Variants in PEPD observed in about 807,000 individuals in gnomAD.
PEPD encodes the protein xaa-Pro dipeptidase.
In PEPD, 53 loss-of-function variants were observed where a neutral mutation model predicts 60.7. That is an observed-to-expected ratio of 0.87 (90% confidence interval 0.70 to 1.10). PEPD has a LOEUF of 1.10. Among genes scored for constraint, PEPD ranks in the 50% least tolerant of loss-of-function variants. The pLI, the probability that PEPD is intolerant of heterozygous loss-of-function variation, is 0.00. For missense variants in PEPD, 711 were observed against 711.9 expected (o/e 1.00, Z 0.01); for synonymous variants, 267 against 284.1 (o/e 0.94, Z 0.60).
intron 12 of PEPD, among the ~76,000 whole-genome samples, chr19:33,400,948 A>C (rs1426665081): frequency 2.0e-5 from 3 of 152,130 alleles, no homozygotes; most frequent in Admixed American, 6.5e-5. Context: ...CCCAGGGGGA[A>C]CTCCTGAAAG....
intron 4 of PEPD, among the ~76,000 whole-genome samples, chr19:33,498,916 C>G (rs1970658901): frequency 1.3e-5 from 2 of 152,196 alleles, no homozygotes; most frequent in African/African-American, 2.4e-5. Flanking sequence ...AGACAGGGCC[C>G]ACCCCAGGCT....
intron 2 of PEPD, among the ~76,000 whole-genome samples, chr19:33,511,734 G>A (rs558980637): frequency 9.8e-4 from 150 of 152,314 alleles, no homozygotes; most frequent in Non-Finnish European, 1.8e-3. Flanking sequence ...TTAGGAAATC[G>A]GTTTTTAAGC....
At chr19:33,409,304 C>CGT (rs1968710910) in intron 11 of PEPD, among the ~76,000 whole-genome samples, 1 of 152,234 alleles carries the variant, frequency 6.6e-6, no homozygotes, top group Non-Finnish European at 1.5e-5. Context: ...TGGCCTCTGC[C>CGT]GTGAGACTGG....
chr19:33,469,754 G>T (rs1311392020), intron 7 of PEPD, among the ~76,000 whole-genome samples: 1 of 151,798 alleles, frequency 6.6e-6, no homozygotes, highest in East Asian at 1.9e-4. Flanking sequence ...CCTCCCCTAC[G>T]CTGCCTGCCA....
At position 33,462,894 on chromosome 19, in the gene PEPD, G is replaced by A. The variant is rs78198054; in HGVS notation, c.671+101C>T. 74,913 of 798,642 alleles carry A rather than the reference G, an allele frequency of 0.094. 3,728 individuals carry two copies. Among genetic ancestry groups the A allele is most frequent in the East Asian group, 0.15 (6,004 of 41,228 alleles). 49.5% of individuals were successfully genotyped at this position (798,642 alleles called of 1,614,324 possible). ...AGCCCTGTTCATAATCTCCGCTCAC[G>A]GTGTGTGTGCCACTGCGGCGTCTCA... is the stretch of plus-strand genomic sequence containing the variant. On this transcript the variant is annotated intron_variant, in intron 9 of 14. Coordinates refer to ENST00000244137, the MANE Select transcript of PEPD (RefSeq NM_000285.4).
intron 11 of PEPD, among the ~76,000 whole-genome samples, chr19:33,403,135 G>A (rs1360520357): frequency 6.6e-6 from 1 of 152,216 alleles, no homozygotes; most frequent in East Asian, 1.9e-4. Flanking sequence ...GGCTGAGGGG[G>A]CGGAGGGGCG....
chr19:33,443,191 TTC>T (rs1969517659), intron 9 of PEPD, among the ~76,000 whole-genome samples: 1 of 152,266 alleles, frequency 6.6e-6, no homozygotes, highest in Admixed American at 6.5e-5. Flanking sequence ...GCTCTCTGAC[TTC>T]TGTCACTGAA....
chr19:33,458,370 T>G (rs1202958655), intron 9 of PEPD, among the ~76,000 whole-genome samples: 1 of 149,848 alleles, frequency 6.7e-6, no homozygotes, highest in African/African-American at 2.5e-5. Flanking sequence ...ACGTGTGGTA[T>G]GTAGGTGTGT....
chr19:33,419,803 C>G (rs533176680), intron 9 of PEPD, among the ~76,000 whole-genome samples: 6 of 152,224 alleles, frequency 3.9e-5, no homozygotes, highest in African/African-American at 1.4e-4. Context: ...ACTGGCCCAC[C>G]AAGTCCTGGG....
chr19:33,432,010 A>AAAAAAAACAAAAAAAAAAAC (rs1031542443), intron 9 of PEPD, among the ~76,000 whole-genome samples: 2 of 147,516 alleles, frequency 1.4e-5, no homozygotes, highest in African/African-American at 5.1e-5. Flanking sequence ...AAAAAAAAAA[A>AAAAAAAACAAAAAAAAAAAC]GGGAAGATTA....
intron 6 of PEPD, among the ~76,000 whole-genome samples, chr19:33,480,356 A>G (rs530640978): frequency 7.2e-5 from 11 of 152,364 alleles, no homozygotes; most frequent in Non-Finnish European, 1.3e-4. Context: ...AGATAAAACA[A>G]TTACAAATAT....
At chr19:33,483,256 T>G (rs747083790) in intron 6 of PEPD, among the ~76,000 whole-genome samples, 10 of 152,188 alleles carry the variant, frequency 6.6e-5, no homozygotes, top group African/African-American at 4.8e-5. Flanking sequence ...ACTTCCATCC[T>G]AAGAATGACC....
intron 9 of PEPD, among the ~76,000 whole-genome samples, chr19:33,439,628 C>T (rs1244982094): frequency 6.6e-6 from 1 of 152,212 alleles, no homozygotes; most frequent in African/African-American, 2.4e-5. Flanking sequence ...AAAGGAGACA[C>T]CCCAGGTGGG....
intron 9 of PEPD, among the ~76,000 whole-genome samples, chr19:33,437,896 A>G (rs955793820): frequency 6.6e-6 from 1 of 152,160 alleles, no homozygotes; most frequent in African/African-American, 2.4e-5. Flanking sequence ...GCAGGGTCCA[A>G]ACTCTGAATA....
chr19:33,482,392 A>G (rs952419382), intron 6 of PEPD, among the ~76,000 whole-genome samples: 2 of 152,218 alleles, frequency 1.3e-5, no homozygotes, highest in Non-Finnish European at 1.5e-5. Context: ...AAAATCAAAC[A>G]CCTTTTCATA....
At position 33,505,536 on chromosome 19, in the gene PEPD, G is replaced by A. The variant is rs1001332408; in HGVS notation, c.330-4535C>T. 6.6e-5 allele frequency among the ~76,000 whole-genome samples: 10 copies of A among 152,060 alleles called. No individual in the cohort carries two copies. The South Asian group carries it at 1.0e-3, about 16-fold the overall frequency. ...TCAGCCCCTTCTCAGAGGCCTGCAC[G>A]GCAAAGAGGGCCCCCGACACCCTGC... On this transcript the variant is annotated intron_variant, in intron 3 of 14. Transcript: ENST00000244137.
chr19:33,498,025 G>A (rs1452479736), intron 4 of PEPD, among the ~76,000 whole-genome samples: 3 of 151,948 alleles, frequency 2.0e-5, no homozygotes, highest in Non-Finnish European at 4.4e-5. Context: ...GAACGGGGTG[G>A]GGGCTACGGC....
At chr19:33,502,054 G>A (rs982272646) in intron 3 of PEPD, among the ~76,000 whole-genome samples, 1 of 152,144 alleles carries the variant, frequency 6.6e-6, no homozygotes, top group African/African-American at 2.4e-5. Flanking sequence ...TCCAGCCTGG[G>A]TCCAGCAAGC....
At chr19:33,433,586 C>T (rs1207265364) in intron 9 of PEPD, among the ~76,000 whole-genome samples, 3 of 152,334 alleles carry the variant, frequency 2.0e-5, no homozygotes, top group Non-Finnish European at 4.4e-5. Context: ...TAAAAACCTT[C>T]TTGTCAAATG....
Sources: allele counts gnomAD v4.1 joint callset (sites outside exome capture counted in the v4.1 genomes callset), GRCh38; gene constraint gnomAD v4.1.1; transcripts MANE v1.5; gene names NCBI Gene and HGNC (gene_info 2026-07-23, HGNC 2026-07-21).